AKT3: variants seen among roughly 807,000 people sequenced by gnomAD.
The protein encoded by AKT3 is RAC-gamma serine/threonine-protein kinase.
Under a neutral mutation model 65.3 loss-of-function variants are expected in AKT3, and 15 were observed. The observed-to-expected ratio is 0.23, with a 90% CI of 0.15 to 0.35. The LOEUF is 0.35. Ranked by LOEUF, AKT3 falls within the 10% of genes least tolerant of loss-of-function variation. The probability of loss-of-function intolerance (pLI) is 1.00; values close to 1 mark genes in which losing one functional copy is unlikely to be tolerated. For missense variants in AKT3, 243 were observed against 576.5 expected, an observed-to-expected ratio of 0.42 and a Z score of 5.92; for synonymous variants, 206 against 183.8, an observed-to-expected ratio of 1.12 and a Z score of -0.98.
At chr1:243,662,610 G>A (rs1226648826) in intron 4 of AKT3, among the ~76,000 whole-genome samples, 2 of 151,220 alleles carry the variant, frequency 1.3e-5, no homozygotes, top group Non-Finnish European at 2.9e-5. Context: ...AATGCTAGAT[G>A]ACGAGTTAGT....
At chr1:243,499,355 C>T (rs1005842744), downstream of AKT3, among the ~76,000 whole-genome samples, 7 of 152,218 alleles carry the variant, frequency 4.6e-5, no homozygotes, top group East Asian at 5.8e-4. Context: ...ACTTGGCCTA[C>T]ACCCTGTTTT....
chr1:243,650,127 C>T (rs991091129), intron 4 of AKT3, among the ~76,000 whole-genome samples: 1 of 152,188 alleles, frequency 6.6e-6, no homozygotes, highest in Admixed American at 6.5e-5. Context: ...GAGATGGTAT[C>T]TCATTGTGTT....
In AKT3 at chr1:243,499,762, A is replaced by G; in HGVS notation, c.*5487T>C. 1 of 1,612,124 alleles carries G rather than the reference A, an allele frequency of 6.2e-7. No homozygotes were observed. The highest frequency in any genetic ancestry group is 1.1e-5 in the South Asian group (1 of 91,038). On this transcript the variant is annotated 3_prime_UTR_variant, in exon 14 of 14. Coordinates refer to ENST00000673466, the MANE Select transcript of AKT3 (RefSeq NM_005465.7). The stretch of plus-strand genomic sequence containing the variant: ...TTTTTATTATTTTTTCCAGTTACCC[A>G]GCATGCCACAATCTGATTGCTGACC...
At chr1:243,643,035 C>G (rs1464148471) in intron 5 of AKT3, among the ~76,000 whole-genome samples, 1 of 152,202 alleles carries the variant, frequency 6.6e-6, no homozygotes, top group Non-Finnish European at 1.5e-5. Context: ...CCCACTTCTC[C>G]TGGTGCTCTT....
intron 8 of AKT3, among the ~76,000 whole-genome samples, chr1:243,583,195 T>TATATATATATATATATATATAC (rs759291565): frequency 2.3e-5 from 2 of 88,282 alleles, no homozygotes; most frequent in African/African-American, 1.0e-4. Flanking sequence ...TATATATATA[T>TATATATATATATATATATATAC]ACACACACAC....
chr1:243,556,287 T>C (rs1174598224), intron 10 of AKT3, among the ~76,000 whole-genome samples: 1 of 152,198 alleles, frequency 6.6e-6, no homozygotes, highest in Non-Finnish European at 1.5e-5. Context: ...TTTGAATTGT[T>C]ATTAATTTCA....
At chr1:243,834,351 T>G (rs933124054) in intron 2 of AKT3, among the ~76,000 whole-genome samples, 2 of 152,164 alleles carry the variant, frequency 1.3e-5, no homozygotes, top group African/African-American at 4.8e-5. Flanking sequence ...TCATGTCCTT[T>G]GCAGCAACAT....
intron 2 of AKT3, among the ~76,000 whole-genome samples, chr1:243,818,729 G>A (rs1003806446): frequency 1.3e-5 from 2 of 151,830 alleles, no homozygotes; most frequent in African/African-American, 4.8e-5. Flanking sequence ...AATGACAGGC[G>A]CCAAGATGGC....
At chr1:243,496,961 C>T (rs1057308486), downstream of AKT3, among the ~76,000 whole-genome samples, 12 of 152,180 alleles carry the variant, frequency 7.9e-5, no homozygotes, top group Non-Finnish European at 1.3e-4. Flanking sequence ...CCTGTCGCCC[C>T]CCTCTGAGCT....
intron 6 of AKT3, among the ~76,000 whole-genome samples, chr1:243,635,576 T>G (rs1411593656): frequency 1.3e-5 from 2 of 151,896 alleles, no homozygotes; most frequent in South Asian, 4.1e-4. Context: ...AACACAACAG[T>G]AATAATTATT....
chr1:243,552,137 A>G (rs2148464312), intron 11 of AKT3, among the ~76,000 whole-genome samples: 1 of 151,978 alleles, frequency 6.6e-6, no homozygotes, highest in South Asian at 2.1e-4. Context: ...TAAAAACACA[A>G]AAATTAGACA....
chr1:243,512,303 T>C, intron 13 of AKT3, 21 bp downstream of exon 13: 2 of 1,269,496 alleles, frequency 1.6e-6, no homozygotes, highest in South Asian at 1.3e-5. Context: ...AATTTATCAA[T>C]TGCCTTCTAA....
intron 8 of AKT3, among the ~76,000 whole-genome samples, chr1:243,604,561 G>A (rs967252839): frequency 2.0e-5 from 3 of 152,160 alleles, no homozygotes; most frequent in Non-Finnish European, 4.4e-5. Context: ...CAACCTTAGT[G>A]ATATAATGTA....
At chr1:243,686,850 G>T (rs1462757745) in intron 3 of AKT3, among the ~76,000 whole-genome samples, 1 of 149,664 alleles carries the variant, frequency 6.7e-6, no homozygotes, top group Non-Finnish European at 1.5e-5. Flanking sequence ...TTTTAGTAGA[G>T]ATGGGGGTTT....
Position 243,500,960 on chromosome 1 carries a change from A to AATT in AKT3, c.*4286_*4288dup, listed in dbSNP as rs1455115035. The AATT allele has an allele frequency of 1.8e-5, 4 of 228,030 alleles. No individual in the cohort carries two copies. The highest frequency in any genetic ancestry group is 1.8e-4 in the South Asian group (1 of 5,492). 14.1% of individuals were successfully genotyped at this position (228,030 alleles called of 1,614,324 possible). A position where few individuals can be genotyped will look rare whatever the true frequency, so the allele number is the denominator to read the frequency against. On this transcript the variant is annotated 3_prime_UTR_variant, in exon 14 of 14. Transcript: ENST00000673466. ...TTCTGTTTTAGATATACTGTGAATA[A>AATT]ATTATACAATATTCTAAAAATAGCA... is the stretch of plus-strand genomic sequence containing the variant.
At chr1:243,832,702 T>C (rs1694617085) in intron 2 of AKT3, among the ~76,000 whole-genome samples, 1 of 152,072 alleles carries the variant, frequency 6.6e-6, no homozygotes, top group African/African-American at 2.4e-5. Context: ...ACTCAGAAAG[T>C]CTTACTAGTT....
upstream of AKT3, among the ~76,000 whole-genome samples, chr1:243,850,700 C>A (rs1366933550): frequency 6.6e-6 from 1 of 151,884 alleles, no homozygotes; most frequent in Non-Finnish European, 1.5e-5. Flanking sequence ...CCGGCCCTGC[C>A]CGCCGCCTCT....
intron 3 of AKT3, among the ~76,000 whole-genome samples, chr1:243,672,531 A>C (rs1683223933): frequency 6.6e-6 from 1 of 152,212 alleles, no homozygotes; most frequent in Admixed American, 6.5e-5. Flanking sequence ...GGGTTCAATA[A>C]ATAATGGGAG....
intron 2 of AKT3, among the ~76,000 whole-genome samples, chr1:243,756,000 T>C (rs895969378): frequency 6.6e-5 from 10 of 152,192 alleles, no homozygotes; most frequent in Non-Finnish European, 8.8e-5. Flanking sequence ...GATTGAGAGA[T>C]TGGTTATATA....
Sources: allele counts gnomAD v4.1 joint callset (sites outside exome capture counted in the v4.1 genomes callset), GRCh38; gene constraint gnomAD v4.1.1; transcripts MANE v1.5; gene names NCBI Gene and HGNC (gene_info 2026-07-23, HGNC 2026-07-21).